The following FAM210A variants were observed in gnomAD, a reference collection of about 807,000 sequenced individuals.
The protein encoded by FAM210A is family with sequence similarity 210 member A.
In FAM210A, 13 loss-of-function variants were observed where a neutral mutation model predicts 25.3. That is an observed-to-expected ratio of 0.51 (90% CI 0.33 to 0.82). The LOEUF (loss-of-function observed/expected upper bound fraction) is 0.82, where lower values mean the gene tolerates loss of function less well. Among genes scored for constraint, FAM210A ranks in the 40% least tolerant of loss-of-function variants. The pLI, the probability that FAM210A is intolerant of heterozygous loss-of-function variation, is 0.02. For synonymous variants in FAM210A, 125 were observed against 118.7 expected (o/e 1.05, Z -0.35); for missense variants, 319 against 323.2 (o/e 0.99, Z 0.10).
At chr18:13,721,225 G>C (rs2043895510) in intron 1 of FAM210A, among the ~76,000 whole-genome samples, 1 of 152,100 alleles carries the variant, frequency 6.6e-6, no homozygotes, top group East Asian at 1.9e-4. Context: ...TTTTGGCTTT[G>C]TTAGTTGAAA....
chr18:13,689,006 G>T (rs530957870), intron 1 of FAM210A, among the ~76,000 whole-genome samples: 2 of 152,228 alleles, frequency 1.3e-5, no homozygotes, highest in African/African-American at 4.8e-5. Context: ...GGGGTTGAGC[G>T]GGGCAGGCCA....
intron 1 of FAM210A, among the ~76,000 whole-genome samples, chr18:13,698,121 G>A (rs111699819): frequency 6.6e-6 from 1 of 152,102 alleles, no homozygotes; most frequent in Non-Finnish European, 1.5e-5. Flanking sequence ...GGGAGGCTGA[G>A]GCAGGTGGCT....
At chr18:13,722,359 T>C (rs1471123646) in intron 1 of FAM210A, among the ~76,000 whole-genome samples, 1 of 151,348 alleles carries the variant, frequency 6.6e-6, no homozygotes, top group Non-Finnish European at 1.5e-5. Flanking sequence ...CAGCTCCCAC[T>C]GCAATCTCTG....
rs979264597 is a variant in FAM210A at position 13,671,727 on chromosome 18, C to A, written c.585+135G>T. 2 of 518,772 alleles carry A rather than the reference C, an allele frequency of 3.9e-6. 1 individual carries two copies. The highest frequency in any genetic ancestry group is 7.0e-6 in the Non-Finnish European group (2 of 286,846). 32.1% of individuals were successfully genotyped at this position (518,772 alleles called of 1,614,324 possible). Reference sequence around the variant, plus strand: ...AAAAAAAATTATCTTACATTATTCACCAGACATATCAGAGATGAAATACAG... The same window carrying A: ...AAAAAAAATTATCTTACATTATTCAACAGACATATCAGAGATGAAATACAG... On this transcript the variant is annotated intron_variant, in intron 3 of 3. Coordinates refer to ENST00000651643, the MANE Select transcript of FAM210A (RefSeq NM_152352.4).
intron 1 of FAM210A, among the ~76,000 whole-genome samples, chr18:13,719,926 A>G (rs371292221): frequency 4.0e-4 from 61 of 152,322 alleles, no homozygotes; most frequent in African/African-American, 1.4e-3. Context: ...TCCATGAGGA[A>G]ATCAAAACAC....
intron 1 of FAM210A, among the ~76,000 whole-genome samples, chr18:13,723,456 G>A (rs2043912389): frequency 6.6e-6 from 1 of 152,184 alleles, no homozygotes; most frequent in Non-Finnish European, 1.5e-5. Flanking sequence ...TCACACAACT[G>A]TAGGGGATAG....
intron 2 of FAM210A, among the ~76,000 whole-genome samples, chr18:13,679,382 A>C (rs567742583): frequency 1.8e-4 from 27 of 152,380 alleles, no homozygotes; most frequent in African/African-American, 6.3e-4. Flanking sequence ...ATCTGTATTT[A>C]GTATAATCAA....
intron 3 of FAM210A, among the ~76,000 whole-genome samples, chr18:13,669,838 C>T (rs1393845583): frequency 6.6e-6 from 1 of 151,910 alleles, no homozygotes; most frequent in African/African-American, 2.4e-5. Flanking sequence ...GTGAATATAT[C>T]CCGTAGCCAA....
intron 1 of FAM210A, among the ~76,000 whole-genome samples, chr18:13,683,097 A>G (rs751850528): frequency 1.3e-5 from 2 of 152,170 alleles, no homozygotes; most frequent in Admixed American, 1.3e-4. Context: ...TAAAATGAAG[A>G]TGACTTTACA....
At chr18:13,711,341 G>A (rs547776725) in intron 1 of FAM210A, among the ~76,000 whole-genome samples, 3 of 152,018 alleles carry the variant, frequency 2.0e-5, no homozygotes, top group Non-Finnish European at 4.4e-5. Flanking sequence ...ACTGCACTCC[G>A]GCCTGGGGAA....
At chr18:13,676,376 T>G (rs11080674) in intron 2 of FAM210A, among the ~76,000 whole-genome samples, 1,728 of 128,224 alleles carry the variant, frequency 0.013, 105 homozygotes, top group African/African-American at 0.04. Context: ...AGTTTCCTGA[T>G]TATTAACACT....
chr18:13,677,515 C>G (rs1224917107), intron 2 of FAM210A, among the ~76,000 whole-genome samples: 1 of 152,200 alleles, frequency 6.6e-6, no homozygotes, highest in African/African-American at 2.4e-5. Context: ...CAGAACAGAA[C>G]AGGGATTTTC....
chr18:13,709,832 C>T (rs2043808081), intron 1 of FAM210A, among the ~76,000 whole-genome samples: 1 of 152,152 alleles, frequency 6.6e-6, no homozygotes, highest in Non-Finnish European at 1.5e-5. Context: ...GTTATTGACC[C>T]CATTTTCCTT....
intron 1 of FAM210A, among the ~76,000 whole-genome samples, chr18:13,689,155 G>A (rs1396038291): frequency 2.0e-5 from 3 of 152,038 alleles, no homozygotes; most frequent in South Asian, 4.2e-4. Flanking sequence ...TGTGTAAAAC[G>A]TACATCTACT....
At chr18:13,688,437 C>A (rs545859651) in intron 1 of FAM210A, among the ~76,000 whole-genome samples, 1 of 144,712 alleles carries the variant, frequency 6.9e-6, no homozygotes, top group Admixed American at 7.1e-5. Flanking sequence ...ACTTCAGAGA[C>A]GATGGCTGCA....
chr18:13,687,743 C>T (rs994613660), intron 1 of FAM210A: 4 of 152,194 alleles, frequency 2.6e-5, no homozygotes, highest in African/African-American at 9.7e-5. Context: ...CTGCACTTAC[C>T]CTTCACATGC....
intron 1 of FAM210A, among the ~76,000 whole-genome samples, chr18:13,722,047 A>G (rs1052845600): frequency 6.6e-5 from 10 of 152,074 alleles, no homozygotes; most frequent in African/African-American, 2.4e-4. Context: ...CTGGGAACTG[A>G]TTGAGGGACC....
intron 2 of FAM210A, among the ~76,000 whole-genome samples, chr18:13,681,028 G>A (rs1052363588): frequency 7.9e-5 from 12 of 151,984 alleles, no homozygotes; most frequent in Admixed American, 2.6e-4. Flanking sequence ...CAAATTAGCC[G>A]GACTTTGGCA....
At chr18:13,690,109 C>T (rs1267357934) in intron 1 of FAM210A, among the ~76,000 whole-genome samples, 1 of 152,226 alleles carries the variant, frequency 6.6e-6, no homozygotes, top group Non-Finnish European at 1.5e-5. Flanking sequence ...AGATTATATC[C>T]CGTGCCTGGC....
Sources: allele counts gnomAD v4.1 joint callset (sites outside exome capture counted in the v4.1 genomes callset), GRCh38; gene constraint gnomAD v4.1.1; transcripts MANE v1.5; gene names NCBI Gene and HGNC (gene_info 2026-07-23, HGNC 2026-07-21).